The following BTBD9 variants were observed in gnomAD, a reference collection of about 807,000 sequenced individuals.
BTBD9 encodes BTB/POZ domain-containing protein 9.
Under a neutral mutation model 64.3 loss-of-function variants are expected in BTBD9, and 49 were observed. That is an observed-to-expected ratio of 0.76 (90% CI 0.61 to 0.97). The LOEUF is 0.97. Among genes scored for constraint, BTBD9 ranks in the 50% least tolerant of loss-of-function variants. The pLI is 0.00. For missense variants in BTBD9, 598 were observed against 762.1 expected (o/e 0.78, Z 2.53); for synonymous variants, 260 against 274.7 (o/e 0.95, Z 0.53).
chr6:38,534,476 A>C (rs80154217), intron 6 of BTBD9, among the ~76,000 whole-genome samples: 16 of 86,140 alleles, frequency 1.9e-4, no homozygotes, highest in East Asian at 1.2e-3. Flanking sequence ...CAAACTGTTC[A>C]AAAAAAAAAA....
rs115305608 is a variant in BTBD9, at chr6:38,255,798, C to T, written c.1562+611G>A. On this transcript the variant is annotated intron_variant, in intron 9 of 10. Coordinates refer to ENST00000481247, the MANE Select transcript of BTBD9 (RefSeq NM_001099272.2). ...ATAACTACTGAAGTATGTATTGCTT[C>T]AGCAAAGTTCTCTAAGGAAGAAAAC... 4.5e-3 allele frequency among the ~76,000 whole-genome samples: 691 copies of T among 152,194 alleles called. 3 individuals carry two copies. Among genetic ancestry groups the T allele is most frequent in the African/African-American group, 0.016 (660 of 41,516 alleles).
intron 6 of BTBD9, among the ~76,000 whole-genome samples, chr6:38,384,321 T>A (rs1306321829): frequency 1.3e-5 from 2 of 152,216 alleles, no homozygotes. Flanking sequence ...CTAGGCCTAA[T>A]TTGTGTATCT....
At position 38,600,684 on chromosome 6, in the gene BTBD9, G is replaced by T. The variant is rs567625812; in HGVS notation, c.-27-2563C>A. 3.9e-4 allele frequency among the ~76,000 whole-genome samples: 59 copies of T among 151,986 alleles called. 1 individual carries two copies. The highest frequency in any genetic ancestry group is 1.3e-3 in the African/African-American group (53 of 41,440). Reference sequence around the variant, plus strand: ...GTATATTTTCTTAATATTTTATTGAGGTCATGGCTAATACTCATATTACTT... The same window carrying T: ...GTATATTTTCTTAATATTTTATTGATGTCATGGCTAATACTCATATTACTT... On this transcript the variant is annotated intron_variant, in intron 1 of 10. Transcript: ENST00000481247.
chr6:38,228,685 C>A lies in BTBD9; in HGVS notation c.1562+27724G>T, dbSNP rs748768794. On this transcript the variant is annotated intron_variant, in intron 9 of 10. Transcript: ENST00000481247. The stretch of plus-strand genomic sequence containing the variant: ...GGTCAGGAGATCGAGACCACCCTGG[C>A]TAACATGGTGAAACCCCGTCTCTAC... Among the ~76,000 whole-genome samples the A allele has an allele frequency of 1.5e-4, 22 of 151,056 alleles. No individual in the cohort carries two copies. The South Asian group carries it at 2.5e-3, about 17-fold the overall frequency.
At chr6:38,612,753 C>G (rs1018942636) in intron 1 of BTBD9, 3 of 152,190 alleles carry the variant, frequency 2.0e-5, no homozygotes, top group African/African-American at 7.2e-5. Flanking sequence ...ACACTCTCCC[C>G]ACCCCCAAAT....
intron 6 of BTBD9, among the ~76,000 whole-genome samples, chr6:38,425,768 T>C (rs1768114833): frequency 6.7e-6 from 1 of 150,004 alleles, no homozygotes; most frequent in Non-Finnish European, 1.5e-5. Flanking sequence ...AAAAAAAAAA[T>C]TAGCAGGGCT....
intron 1 of BTBD9, 95 bp from the exon 2 acceptor site, chr6:38,598,216 G>T: frequency 2.1e-6 from 2 of 945,070 alleles, no homozygotes; most frequent in South Asian, 1.9e-5. Context: ...AATTTAAAGT[G>T]CTTAGAAAAA....
chr6:38,282,211 G>A (rs1198767789), intron 8 of BTBD9, among the ~76,000 whole-genome samples: 1 of 152,096 alleles, frequency 6.6e-6, no homozygotes, highest in Non-Finnish European at 1.5e-5. Context: ...TTTTTAAAAT[G>A]GCATGAAAAT....
chr6:38,280,419 C>T (rs9470850), intron 8 of BTBD9, among the ~76,000 whole-genome samples: 1 of 152,068 alleles, frequency 6.6e-6, no homozygotes, highest in South Asian at 2.1e-4. Context: ...TCCTTGGTTC[C>T]GGGCTGTGAC....
At chr6:38,250,662 C>T (rs1764359056) in intron 9 of BTBD9, among the ~76,000 whole-genome samples, 1 of 152,056 alleles carries the variant, frequency 6.6e-6, no homozygotes, top group Admixed American at 6.5e-5. Context: ...TATAGTAAAG[C>T]AGCTAACAGA....
At position 38,591,632 on chromosome 6, in the gene BTBD9, G is replaced by A. The variant is rs138755744; in HGVS notation, c.814+944C>T. 1.5e-4 allele frequency among the ~76,000 whole-genome samples: 23 copies of A among 152,250 alleles called. No individual in the cohort carries two copies. In the East Asian group the frequency reaches 4.3e-3, roughly 28 times the overall value. On this transcript the variant is annotated intron_variant, in intron 4 of 10. Transcript: ENST00000481247. ...CTCTGTCATCTTTCTGTGTGACCTT[G>A]GGCAAGTTACTTAACTTCTCTGTTT...
intron 8 of BTBD9, among the ~76,000 whole-genome samples, chr6:38,264,343 G>A (rs892961006): frequency 3.9e-5 from 6 of 152,300 alleles, no homozygotes; most frequent in South Asian, 4.1e-4. Context: ...GTAGACTAAT[G>A]TTCAGAACAG....
chr6:38,506,349 T>C (rs542560006), intron 6 of BTBD9, among the ~76,000 whole-genome samples: 1 of 152,328 alleles, frequency 6.6e-6, no homozygotes, highest in South Asian at 2.1e-4. Context: ...GGCAAAATCA[T>C]CTAACACAAA....
intron 6 of BTBD9, among the ~76,000 whole-genome samples, chr6:38,383,872 T>C (rs755676556): frequency 1.3e-5 from 2 of 152,142 alleles, no homozygotes; most frequent in Non-Finnish European, 2.9e-5. Flanking sequence ...GCTGATGGTA[T>C]TTAGGAACTG....
rs1554130218 is a variant in BTBD9 at position 38,228,346 on chromosome 6, C to CA, written c.1562+28062_1562+28063insT. Among the ~76,000 whole-genome samples, 239 of 69,170 alleles carry CA rather than the reference C, an allele frequency of 3.5e-3. 3 individuals are homozygous for CA. Among genetic ancestry groups the CA allele is most frequent in the African/African-American group, 0.011 (224 of 20,360 alleles). The allele number at this position is 69,170 out of a possible 152,430, so 45.4% of individuals were successfully genotyped here. A position where few individuals can be genotyped will look rare whatever the true frequency, so the allele number is the denominator to read the frequency against. ...GGTGACAGGGCAAGACCCTGTCCCC[C>CA]CCCCCAAAAAAAAAAAAAAAAAAAG... On this transcript the variant is annotated intron_variant, in intron 9 of 10. Coordinates refer to ENST00000481247, the MANE Select transcript of BTBD9 (RefSeq NM_001099272.2).
intron 7 of BTBD9, among the ~76,000 whole-genome samples, chr6:38,293,293 T>A (rs540502146): frequency 1.1e-4 from 17 of 152,196 alleles, no homozygotes; most frequent in Non-Finnish European, 2.5e-4. Flanking sequence ...TCCATTGAAT[T>A]TCTTCATAGA....
At chr6:38,274,425 G>C (rs1289847558) in intron 8 of BTBD9, among the ~76,000 whole-genome samples, 2 of 151,942 alleles carry the variant, frequency 1.3e-5, no homozygotes, top group Admixed American at 6.6e-5. Flanking sequence ...TGTTGAATAG[G>C]AGTGGTGAGA....
At chr6:38,183,729 C>T (rs994252446) in intron 10 of BTBD9, among the ~76,000 whole-genome samples, 7 of 152,378 alleles carry the variant, frequency 4.6e-5, no homozygotes, top group African/African-American at 1.7e-4. Context: ...CAGACTCTCT[C>T]ATAACCATCA....
intron 4 of BTBD9, chr6:38,588,160 C>A (rs1776627276): frequency 1.3e-6 from 1 of 762,290 alleles, no homozygotes; most frequent in South Asian, 1.4e-5. Flanking sequence ...ATTCAAAAAG[C>A]CAGAGTCAGC....
Sources: allele counts gnomAD v4.1 joint callset (sites outside exome capture counted in the v4.1 genomes callset), GRCh38; gene constraint gnomAD v4.1.1; transcripts MANE v1.5; gene names NCBI Gene and HGNC (gene_info 2026-07-23, HGNC 2026-07-21).